The following CHRNB3 variants were observed in gnomAD, a reference collection of about 807,000 sequenced individuals.
The protein encoded by CHRNB3 is neuronal acetylcholine receptor subunit beta-3.
Under a neutral mutation model 40.6 loss-of-function variants are expected in CHRNB3, and 37 were observed. The observed-to-expected ratio is 0.91, with a 90% confidence interval of 0.70 to 1.20. CHRNB3 has a LOEUF of 1.20. CHRNB3 is among the 50% of genes most tolerant of loss of function. The probability of loss-of-function intolerance (pLI) is 0.00; values close to 1 mark genes in which losing one functional copy is unlikely to be tolerated. For missense variants in CHRNB3, 505 were observed against 551.2 expected, an observed-to-expected ratio of 0.92 and a Z score of 0.84; for synonymous variants, 207 against 207.1, an observed-to-expected ratio of 1.00 and a Z score of 0.00.
intron 1 of CHRNB3, among the ~76,000 whole-genome samples, chr8:42,706,333 G>GGAT (rs1815921114): frequency 6.6e-6 from 1 of 152,116 alleles, no homozygotes. Context: ...GAGGGACTTA[G>GGAT]GATGATTCTT....
chr8:42,706,368 G>A (rs1204042668), intron 1 of CHRNB3, among the ~76,000 whole-genome samples: 1 of 152,144 alleles, frequency 6.6e-6, no homozygotes, highest in East Asian at 1.9e-4. Flanking sequence ...GAAACCATCT[G>A]GAGCGCTTAG....
chr8:42,707,873 T>C (rs926246196), intron 1 of CHRNB3, among the ~76,000 whole-genome samples: 1 of 152,222 alleles, frequency 6.6e-6, no homozygotes, highest in Non-Finnish European at 1.5e-5. Context: ...GAACACCCAC[T>C]ATGGGCCAGG....
At chr8:42,717,408 C>CA (rs1816134324) in intron 3 of CHRNB3, among the ~76,000 whole-genome samples, 1 of 73,764 alleles carries the variant, frequency 1.4e-5, no homozygotes, top group African/African-American at 4.7e-5. Flanking sequence ...AAAAAAAAGC[C>CA]GACCTGTTGT....
intron 3 of CHRNB3, among the ~76,000 whole-genome samples, chr8:42,713,377 G>A (rs140718485): frequency 1.6e-3 from 244 of 152,194 alleles, no homozygotes; most frequent in Non-Finnish European, 3.1e-3. Context: ...ACTGGTGGGT[G>A]TCTTCAAGCC....
chr8:42,730,154 A>G (rs7838246), intron 3 of CHRNB3, among the ~76,000 whole-genome samples: 8,745 of 152,250 alleles, frequency 0.057, 328 homozygotes, highest in Middle Eastern at 0.11. Flanking sequence ...GTGGATGTTC[A>G]TCTAAGCCTC....
chr8:42,713,301 C>G (rs968261315), intron 3 of CHRNB3, among the ~76,000 whole-genome samples: 1 of 151,968 alleles, frequency 6.6e-6, no homozygotes, highest in Non-Finnish European at 1.5e-5. Flanking sequence ...CGCCGAGGAC[C>G]CTGAGGGCCT....
At chr8:42,706,848 C>T (rs1318391319) in intron 1 of CHRNB3, among the ~76,000 whole-genome samples, 1 of 152,164 alleles carries the variant, frequency 6.6e-6, no homozygotes, top group African/African-American at 2.4e-5. Context: ...GCAGCCTTGA[C>T]TTCCGGGACT....
chr8:42,700,515 T>C (rs187723378), intron 1 of CHRNB3, among the ~76,000 whole-genome samples: 35 of 151,878 alleles, frequency 2.3e-4, no homozygotes, highest in Non-Finnish European at 4.4e-4. Context: ...AGATGAGGTT[T>C]CACCATGTTG....
chr8:42,703,435 A>AAAAATATATATATATAT lies in CHRNB3; in HGVS notation c.53-5281_53-5280insAAATATATATATATATA. On this transcript the variant is annotated intron_variant, in intron 1 of 5. Transcript: ENST00000289957. ...CAAGACTTCGTCTAAAAAAAAAAAAAATATTTATATATATATATATATATA... is the reference window on the plus strand; with the variant it reads ...CAAGACTTCGTCTAAAAAAAAAAAAAAAAATATATATATATATATATTTATATATATATATATATATA... Among the ~76,000 whole-genome samples, 8 of 47,408 alleles carry AAAAATATATATATATAT rather than the reference A, an allele frequency of 1.7e-4. 1 individual carries two copies. The highest frequency in any genetic ancestry group is 3.3e-4 in the Non-Finnish European group (7 of 21,528). 31.1% of individuals were successfully genotyped at this position (47,408 alleles called of 152,430 possible).
chr8:42,718,530 G>A (rs1014846920), intron 3 of CHRNB3, among the ~76,000 whole-genome samples: 4 of 151,862 alleles, frequency 2.6e-5, no homozygotes, highest in South Asian at 4.2e-4. Flanking sequence ...AAAATTAGCC[G>A]GGCATGGTGG....
chr8:42,701,226 C>CAAAAA (rs58800727), intron 1 of CHRNB3, among the ~76,000 whole-genome samples: 6 of 71,472 alleles, frequency 8.4e-5, no homozygotes, highest in Non-Finnish European at 1.1e-4. Flanking sequence ...GACTCTGTCT[C>CAAAAA]AAAAAAAAAA....
rs780359325 is a variant in CHRNB3, at chr8:42,708,672, C to T, written c.53-45C>T. The T allele has an allele frequency of 3.8e-6, 6 of 1,596,664 alleles. No individual in the cohort carries two copies. In the African/African-American group the frequency reaches 5.4e-5, roughly 14 times the overall value. On this transcript the variant is annotated intron_variant, in intron 1 of 5. Transcript: ENST00000289957. Reference sequence around the variant, plus strand: ...AGCCATGGGACACTCATCCAGGCATCGTGCCCCTCCCATTAACCCAGGTCC... The same window carrying T: ...AGCCATGGGACACTCATCCAGGCATTGTGCCCCTCCCATTAACCCAGGTCC...
chr8:42,712,859 C>CTT (rs567650103), intron 3 of CHRNB3, among the ~76,000 whole-genome samples: 5,431 of 114,640 alleles, frequency 0.047, 386 homozygotes, highest in Non-Finnish European at 0.068. Context: ...CCACTGCTCT[C>CTT]TTTTTTTTTT....
chr8:42,725,958 T>G, intron 3 of CHRNB3: 1 of 1,106,024 alleles, frequency 9.0e-7, no homozygotes, highest in South Asian at 1.3e-5. Flanking sequence ...TTTCGATGCG[T>G]ACAACAAAGG....
At chr8:42,718,363 G>A (rs1816155422) in intron 3 of CHRNB3, among the ~76,000 whole-genome samples, 1 of 151,986 alleles carries the variant, frequency 6.6e-6, no homozygotes, top group South Asian at 2.1e-4. Context: ...GGTCCTATTA[G>A]CATTGAAGTA....
Position 42,733,119 on chromosome 8 carries a change from C to T in CHRNB3, c.1242+570C>T, listed in dbSNP as rs1344833140. On this transcript the variant is annotated intron_variant, in intron 5 of 5. Coordinates refer to ENST00000289957, the MANE Select transcript of CHRNB3 (RefSeq NM_000749.5). ...CCAAAGCGGGTGTATCACTTGAGTG[C>T]AGGAGATCGAGACCAGCCTGGACAA... Among the ~76,000 whole-genome samples the T allele has an allele frequency of 4.0e-5, 6 of 151,622 alleles. 1 individual carries two copies. Among genetic ancestry groups the T allele is most frequent in the Admixed American group, 6.6e-5 (1 of 15,198 alleles).
chr8:42,722,911 A>G (rs1224227877), intron 3 of CHRNB3, among the ~76,000 whole-genome samples: 1 of 152,086 alleles, frequency 6.6e-6, no homozygotes, highest in East Asian at 1.9e-4. Context: ...TTTTACTGTT[A>G]CTTATATATT....
chr8:42,730,125 T>G (rs1347659495), intron 3 of CHRNB3, among the ~76,000 whole-genome samples: 2 of 152,216 alleles, frequency 1.3e-5, no homozygotes, highest in Non-Finnish European at 2.9e-5. Flanking sequence ...AAAATGGATG[T>G]CTCATATTAA....
chr8:42,710,156 C>T (rs541879490), intron 2 of CHRNB3, among the ~76,000 whole-genome samples: 1 of 152,010 alleles, frequency 6.6e-6, no homozygotes, highest in Non-Finnish European at 1.5e-5. Flanking sequence ...TTTTTCTGAT[C>T]GAAACCAAAC....
Sources: gnomAD v4.1 joint callset for allele counts (sites outside exome capture counted in the v4.1 genomes callset) on GRCh38, gnomAD v4.1.1 for gene constraint, MANE v1.5 for transcripts, NCBI Gene and HGNC (gene_info 2026-07-23, HGNC 2026-07-21) for gene names.